Variants in NFIA observed in about 807,000 individuals in gnomAD.
NFIA encodes nuclear factor I A, also known as nuclear factor 1 A-type.
A neutral mutation model predicts 62.8 loss-of-function variants in NFIA; 8 were observed. That is an observed-to-expected ratio of 0.13 (90% CI 0.07 to 0.23). The LOEUF (loss-of-function observed/expected upper bound fraction) is 0.23, where lower values mean the gene tolerates loss of function less well. Among genes scored for constraint, NFIA ranks in the 10% least tolerant of loss-of-function variants. The pLI is 1.00. For missense variants in NFIA, 410 were observed against 642.1 expected, an observed-to-expected ratio of 0.64 and a Z score of 3.91; for synonymous variants, 235 against 238.1, an observed-to-expected ratio of 0.99 and a Z score of 0.12.
rs1174916504 is a variant in NFIA at position 61,383,239 on chromosome 1, A to G, written c.949A>G (p.Met317Val). The change falls in exon 7 of 11, where the codon ATG becomes GTG. Residue 317 changes from methionine (M) to valine (V), a missense_variant and splice_region_variant. Coordinates refer to ENST00000403491, the MANE Select transcript of NFIA (RefSeq NM_001134673.4). The part of the protein sequence containing the change: ...SSGWHEVEPG[M>V]PSPTTLKKSE... ...TACCAGTTGATCCTTCTTGCCAGGA[A>G]TGCCATCTCCAACCACACTGAAGAA... 1.7e-5 allele frequency: 27 copies of G among 1,613,994 alleles called. No individual in the cohort carries two copies. The highest frequency in any genetic ancestry group is 2.3e-5 in the Non-Finnish European group (27 of 1,179,898).
intron 2 of NFIA, among the ~76,000 whole-genome samples, chr1:61,175,013 G>A (rs1237114740): frequency 6.6e-6 from 1 of 151,848 alleles, no homozygotes; most frequent in Non-Finnish European, 1.5e-5. Flanking sequence ...CAATGCCAGT[G>A]TATAGGATTT....
chr1:61,355,055 TTC>T (rs1293472009), intron 5 of NFIA, among the ~76,000 whole-genome samples: 1 of 152,160 alleles, frequency 6.6e-6, no homozygotes, highest in Non-Finnish European at 1.5e-5. Context: ...TAAGTAAGAC[TTC>T]TAGGCCGTAA....
At chr1:61,191,402 T>A (rs2100575513) in intron 2 of NFIA, among the ~76,000 whole-genome samples, 1 of 152,252 alleles carries the variant, frequency 6.6e-6, no homozygotes, top group South Asian at 2.1e-4. Context: ...CGGGATTTGC[T>A]TTCCGGAGAA....
intron 7 of NFIA, among the ~76,000 whole-genome samples, chr1:61,401,761 C>A (rs911851444): frequency 6.6e-6 from 1 of 152,056 alleles, no homozygotes; most frequent in African/African-American, 2.4e-5. Context: ...ATATTCTCAG[C>A]CTAGTTTGGG....
At chr1:61,190,386 G>A (rs1477385262) in intron 2 of NFIA, among the ~76,000 whole-genome samples, 1 of 152,198 alleles carries the variant, frequency 6.6e-6, no homozygotes, top group Non-Finnish European at 1.5e-5. Context: ...GGCATGGATT[G>A]GAGTGTGGAA....
chr1:61,081,793 T>C, upstream of NFIA: 2 of 1,364,746 alleles, frequency 1.5e-6, no homozygotes, highest in East Asian at 5.2e-5. Context: ...GCACAAAGTT[T>C]GCAGGATTGT....
intron 3 of NFIA, among the ~76,000 whole-genome samples, chr1:61,291,884 C>CATGCATT (rs759720016): frequency 7.1e-4 from 108 of 152,236 alleles, no homozygotes; most frequent in Non-Finnish European, 1.3e-3. Flanking sequence ...TATAGTGTTA[C>CATGCATT]ATGCATTATG....
intron 2 of NFIA, among the ~76,000 whole-genome samples, chr1:61,218,492 T>A (rs1376586126): frequency 2.6e-5 from 4 of 152,208 alleles, no homozygotes; most frequent in Admixed American, 1.3e-4. Context: ...TCTGTATCCA[T>A]GGATTCAATC....
rs371100527 is a variant in NFIA, at chr1:61,207,384, A to G, written c.560-70136A>G. 5.3e-5 allele frequency among the ~76,000 whole-genome samples: 8 copies of G among 152,320 alleles called. No homozygotes were observed. The East Asian group carries it at 1.3e-3, about 26-fold the overall frequency. On this transcript the variant is annotated intron_variant, in intron 2 of 10. Coordinates refer to ENST00000403491, the MANE Select transcript of NFIA (RefSeq NM_001134673.4). Reference sequence around the variant, plus strand: ...TAGATTTAAAACAAGACCACAAGCCAACTTTAAACAGTTCATCTTTCTTCC... The same window carrying G: ...TAGATTTAAAACAAGACCACAAGCCGACTTTAAACAGTTCATCTTTCTTCC...
At chr1:61,153,365 A>C (rs1467530522) in intron 2 of NFIA, among the ~76,000 whole-genome samples, 1 of 152,114 alleles carries the variant, frequency 6.6e-6, no homozygotes, top group Non-Finnish European at 1.5e-5. Context: ...CTAAGGGTCT[A>C]AATCTGATTC....
intron 3 of NFIA, among the ~76,000 whole-genome samples, chr1:61,283,170 A>G (rs1434559064): frequency 6.6e-6 from 1 of 152,248 alleles, no homozygotes; most frequent in Non-Finnish European, 1.5e-5. Flanking sequence ...CAAGGAATGT[A>G]CTTCTTTTCA....
At chr1:61,349,468 A>G (rs4915589) in intron 4 of NFIA, among the ~76,000 whole-genome samples, 36,164 of 152,110 alleles carry the variant, frequency 0.24, 4,604 homozygotes, top group African/African-American at 0.33. Context: ...TGGCACCTCA[A>G]TTCACCTGGT....
intron 4 of NFIA, among the ~76,000 whole-genome samples, chr1:61,340,251 G>A (rs565148903): frequency 1.2e-4 from 19 of 152,242 alleles, no homozygotes; most frequent in African/African-American, 3.4e-4. Context: ...GTCTCTATTC[G>A]TATGTTCATC....
intron 2 of NFIA, among the ~76,000 whole-genome samples, chr1:61,218,198 G>A (rs1476400508): frequency 6.6e-6 from 1 of 152,166 alleles, no homozygotes; most frequent in African/African-American, 2.4e-5. Context: ...GTTTTTGTAA[G>A]GCGTTGCTGA....
In NFIA at chr1:61,382,688, G is replaced by A. The variant is rs915343260; in HGVS notation, c.947-549G>A. Among the ~76,000 whole-genome samples the A allele has an allele frequency of 3.9e-5, 6 of 152,080 alleles. No individual in the cohort carries two copies. The East Asian group carries it at 1.2e-3, about 29-fold the overall frequency. ...ATACTTATTTAACCAGTCCCCAATTGTAGGGCATTTAAGATTTTTTTACTT... is the reference window on the plus strand; with the variant it reads ...ATACTTATTTAACCAGTCCCCAATTATAGGGCATTTAAGATTTTTTTACTT... On this transcript the variant is annotated intron_variant, in intron 6 of 10. Coordinates refer to ENST00000403491, the MANE Select transcript of NFIA (RefSeq NM_001134673.4).
At chr1:61,226,116 G>GT (rs1654314268) in intron 2 of NFIA, among the ~76,000 whole-genome samples, 1 of 152,168 alleles carries the variant, frequency 6.6e-6, no homozygotes, top group Non-Finnish European at 1.5e-5. Context: ...GAAGAAAGTA[G>GT]TATTTGTGTA....
intron 10 of NFIA, among the ~76,000 whole-genome samples, chr1:61,427,555 C>T (rs909811104): frequency 6.6e-6 from 1 of 152,146 alleles, no homozygotes; most frequent in Non-Finnish European, 1.5e-5. Context: ...AAAACTATGG[C>T]CAGGTGCTAT....
At chr1:61,191,857 G>T (rs547887960) in intron 2 of NFIA, among the ~76,000 whole-genome samples, 2 of 152,170 alleles carry the variant, frequency 1.3e-5, no homozygotes, top group Non-Finnish European at 2.9e-5. Context: ...TTCTGAGTAC[G>T]TGAGTTTGGG....
chr1:61,419,205 G>A (rs998804670), intron 9 of NFIA, among the ~76,000 whole-genome samples: 1 of 152,164 alleles, frequency 6.6e-6, no homozygotes, highest in Non-Finnish European at 1.5e-5. Flanking sequence ...CACTTTGGGA[G>A]GCCATCGCAG....
Sources: gnomAD v4.1 joint callset for allele counts (sites outside exome capture counted in the v4.1 genomes callset) on GRCh38, gnomAD v4.1.1 for gene constraint, MANE v1.5 for transcripts, NCBI Gene and HGNC (gene_info 2026-07-23, HGNC 2026-07-21) for gene names.